The following ZNF407 variants were observed in gnomAD, a reference collection of about 807,000 sequenced individuals.
ZNF407 encodes zinc finger protein 407.
In ZNF407, 17 loss-of-function variants were observed where a neutral mutation model predicts 131.2. That is an observed-to-expected ratio of 0.13 (90% CI 0.09 to 0.19). The LOEUF is 0.19. Ranked by LOEUF, ZNF407 falls within the 10% of genes least tolerant of loss-of-function variation. ZNF407 has a pLI of 1.00. For synonymous variants in ZNF407, 1,156 were observed against 1,062.0 expected (o/e 1.09, Z -1.72); for missense variants, 2,681 against 2,830.6 (o/e 0.95, Z 1.20).
intron 8 of ZNF407, among the ~76,000 whole-genome samples, chr18:74,923,618 C>G: frequency 6.6e-6 from 1 of 151,972 alleles, no homozygotes. Context: ...GTTAAAGTTT[C>G]CTACTATAAT....
intron 3 of ZNF407, among the ~76,000 whole-genome samples, chr18:74,695,945 C>T (rs1412256426): frequency 6.6e-6 from 1 of 152,156 alleles, no homozygotes; most frequent in Non-Finnish European, 1.5e-5. Flanking sequence ...AGATGGTCTT[C>T]CAGTCAGGAT....
intron 4 of ZNF407, among the ~76,000 whole-genome samples, chr18:74,843,688 AT>A: frequency 6.6e-6 from 1 of 151,974 alleles, no homozygotes; most frequent in Non-Finnish European, 1.5e-5. Context: ...TCTTGCTTTA[AT>A]TTTTTTTCCT....
chr18:74,881,318 C>T (rs1971234867), intron 6 of ZNF407, among the ~76,000 whole-genome samples, 199 bp downstream of exon 6: 1 of 152,128 alleles, frequency 6.6e-6, no homozygotes, highest in South Asian at 2.1e-4. Context: ...TAGACATATT[C>T]CATATTTCAA....
chr18:74,814,070 C>A (rs1970235099), intron 4 of ZNF407, among the ~76,000 whole-genome samples: 1 of 152,082 alleles, frequency 6.6e-6, no homozygotes. Flanking sequence ...ACATTAAAAT[C>A]ATGTTTTAGT....
chr18:75,011,270 A>C (rs1360568661), intron 8 of ZNF407, among the ~76,000 whole-genome samples: 3 of 152,170 alleles, frequency 2.0e-5, no homozygotes, highest in African/African-American at 7.2e-5. Flanking sequence ...ACTGTGGACT[A>C]CCTTTCTCTG....
At chr18:74,855,764 CTGTT>C (rs992281227) in intron 4 of ZNF407, among the ~76,000 whole-genome samples, 8 of 152,202 alleles carry the variant, frequency 5.3e-5, no homozygotes, top group Non-Finnish European at 7.4e-5. Context: ...TGTAAATTAA[CTGTT>C]TGTTTGAAGC....
chr18:74,888,428 A>G (rs927202879), intron 6 of ZNF407, among the ~76,000 whole-genome samples: 2 of 152,152 alleles, frequency 1.3e-5, no homozygotes, highest in Admixed American at 6.5e-5. Context: ...ACATCAAATC[A>G]ATGTAACATT....
intron 8 of ZNF407, among the ~76,000 whole-genome samples, chr18:74,986,482 A>G (rs971844520): frequency 6.6e-6 from 1 of 152,216 alleles, no homozygotes; most frequent in African/African-American, 2.4e-5. Flanking sequence ...ACAAATTACT[A>G]GTGTATTATA....
chr18:75,051,461 C>G (rs1399950971), intron 8 of ZNF407, among the ~76,000 whole-genome samples: 1 of 152,168 alleles, frequency 6.6e-6, no homozygotes, highest in Non-Finnish European at 1.5e-5. Flanking sequence ...AGATCATTGC[C>G]TTTCTCTCCC....
chr18:74,981,379 T>C (rs1972591406), intron 8 of ZNF407, among the ~76,000 whole-genome samples: 1 of 152,188 alleles, frequency 6.6e-6, no homozygotes, highest in Non-Finnish European at 1.5e-5. Flanking sequence ...TTCTGTCAAA[T>C]GCTCATAACT....
intron 8 of ZNF407, among the ~76,000 whole-genome samples, chr18:74,941,587 A>G (rs943194510): frequency 7.9e-5 from 12 of 152,372 alleles, no homozygotes; most frequent in African/African-American, 2.9e-4. Context: ...TCAAGTATAA[A>G]TAGGGTTGTA....
chr18:74,984,481 A>G (rs774828935), intron 8 of ZNF407, among the ~76,000 whole-genome samples: 1 of 152,232 alleles, frequency 6.6e-6, no homozygotes, highest in Non-Finnish European at 1.5e-5. Context: ...ATCAAATTGT[A>G]TGTAGTTTAT....
chr18:74,804,529 G>A (rs1970079112), intron 4 of ZNF407: 1 of 987,406 alleles, frequency 1.0e-6, no homozygotes, highest in Non-Finnish European at 1.2e-6. Flanking sequence ...AAAATACCAG[G>A]CTAAATACAT....
Position 75,064,477 on chromosome 18 carries a change from G to T in ZNF407, c.*9G>T. 1 of 1,472,058 alleles carries T rather than the reference G, an allele frequency of 6.8e-7. No individual in the cohort carries two copies. The highest frequency in any genetic ancestry group is 9.0e-7 in the Non-Finnish European group (1 of 1,107,518). The allele number at this position is 1,472,058 out of a possible 1,614,324, so 91.2% of individuals were successfully genotyped here. A position where few individuals can be genotyped will look rare whatever the true frequency, so the allele number is the denominator to read the frequency against. On this transcript the variant is annotated 3_prime_UTR_variant, in exon 9 of 9. Transcript: ENST00000299687. Reference sequence around the variant, plus strand: ...AACTCCAGGAAGCATGAGACGCGCGGCACCTTTACTCAGCACAGGGCAGGT... The same window carrying T: ...AACTCCAGGAAGCATGAGACGCGCGTCACCTTTACTCAGCACAGGGCAGGT...
intron 3 of ZNF407, among the ~76,000 whole-genome samples, chr18:74,685,199 TA>T (rs1967068857): frequency 6.6e-6 from 1 of 152,208 alleles, no homozygotes; most frequent in Non-Finnish European, 1.5e-5. Flanking sequence ...TTTAATTGTC[TA>T]TTTTTTTTCA....
intron 3 of ZNF407, among the ~76,000 whole-genome samples, chr18:74,751,180 A>G (rs1968791872): frequency 1.3e-5 from 2 of 152,134 alleles, no homozygotes; most frequent in Admixed American, 1.3e-4. Flanking sequence ...ATCTAAAACC[A>G]TTGCCTAATT....
At chr18:74,886,538 C>T (rs1055986327) in intron 6 of ZNF407, among the ~76,000 whole-genome samples, 5 of 152,128 alleles carry the variant, frequency 3.3e-5, no homozygotes, top group Non-Finnish European at 7.3e-5. Context: ...ACTTGGTACA[C>T]CCGTATAATG....
chr18:75,035,167 G>A (rs1011892897), intron 8 of ZNF407, among the ~76,000 whole-genome samples: 1 of 152,174 alleles, frequency 6.6e-6, no homozygotes, highest in African/African-American at 2.4e-5. Flanking sequence ...GCTGATGAGT[G>A]TGCATGTGTT....
chr18:74,906,394 A>G (rs1971595498), intron 7 of ZNF407, among the ~76,000 whole-genome samples: 1 of 152,056 alleles, frequency 6.6e-6, no homozygotes, highest in Non-Finnish European at 1.5e-5. Flanking sequence ...AAGCACATCC[A>G]CCTCTGCCCC....
Sources: allele counts gnomAD v4.1 joint callset (sites outside exome capture counted in the v4.1 genomes callset), GRCh38; gene constraint gnomAD v4.1.1; transcripts MANE v1.5; gene names NCBI Gene and HGNC (gene_info 2026-07-23, HGNC 2026-07-21).